Variants in CSMD1 observed in about 807,000 individuals in gnomAD.
CSMD1 encodes the protein CUB and Sushi multiple domains 1.
Under a neutral mutation model 417.5 loss-of-function variants are expected in CSMD1, and 213 were observed. The observed-to-expected ratio is 0.51, with a 90% CI of 0.46 to 0.57. CSMD1 has a LOEUF of 0.57. CSMD1 is among the 20% of genes least tolerant of loss of function. The pLI is 0.00. For missense variants in CSMD1, 6,923 were observed against 4,529.7 expected (o/e 1.53, Z -15.17); for synonymous variants, 2,862 against 1,736.8 (o/e 1.65, Z -16.11).
chr8:3,296,861 T>G (rs1278693575), intron 25 of CSMD1, among the ~76,000 whole-genome samples: 1 of 152,158 alleles, frequency 6.6e-6, no homozygotes, highest in African/African-American at 2.4e-5. Context: ...CTGTTGAGTT[T>G]AAGTTGTCAA....
chr8:4,318,269 CTTAA>C (rs896758736), intron 3 of CSMD1, among the ~76,000 whole-genome samples: 1 of 152,004 alleles, frequency 6.6e-6, no homozygotes, highest in African/African-American at 2.4e-5. Context: ...AACATTTTTC[CTTAA>C]TTAAAGTTTT....
intron 7 of CSMD1, among the ~76,000 whole-genome samples, chr8:3,645,496 G>C (rs938418229): frequency 6.6e-6 from 1 of 152,192 alleles, no homozygotes; most frequent in African/African-American, 2.4e-5. Flanking sequence ...TGGAAGAAAT[G>C]GGGAAGGGGA....
Position 2,956,055 on chromosome 8 carries a change from C to T in CSMD1, c.9815-287G>A, listed in dbSNP as rs1802988843. Reference sequence around the variant, plus strand: ...TACACCCATCCTATATATATTTATACATAGGTAATTATGTGCAAAGATTTA... The same window carrying T: ...TACACCCATCCTATATATATTTATATATAGGTAATTATGTGCAAAGATTTA... On this transcript the variant is annotated intron_variant, in intron 63 of 69. Transcript: ENST00000635120. 2.0e-5 allele frequency among the ~76,000 whole-genome samples: 3 copies of T among 151,800 alleles called. No individual in the cohort carries two copies. In the South Asian group the frequency reaches 6.2e-4, roughly 32 times the overall value.
intron 3 of CSMD1, among the ~76,000 whole-genome samples, chr8:4,323,668 A>T (rs992070170): frequency 6.6e-6 from 1 of 152,194 alleles, no homozygotes; most frequent in African/African-American, 2.4e-5. Flanking sequence ...TGGACTCTAC[A>T]AACAAGAATT....
intron 15 of CSMD1, among the ~76,000 whole-genome samples, chr8:3,404,672 G>T (rs1370106222): frequency 1.3e-5 from 2 of 151,908 alleles, no homozygotes; most frequent in African/African-American, 2.4e-5. Context: ...AAACTAAGAG[G>T]GAAAAATCAC....
chr8:4,512,345 A>G (rs1308342408), intron 2 of CSMD1, among the ~76,000 whole-genome samples: 2 of 152,204 alleles, frequency 1.3e-5, no homozygotes. Context: ...TTACTTAATG[A>G]AAACTCAAAG....
intron 3 of CSMD1, among the ~76,000 whole-genome samples, chr8:4,159,999 C>G (rs979105552): frequency 2.0e-5 from 3 of 151,894 alleles, no homozygotes; most frequent in Non-Finnish European, 2.9e-5. Context: ...GTATAATGCT[C>G]TGGTGATGGG....
intron 1 of CSMD1, among the ~76,000 whole-genome samples, chr8:4,807,331 C>T (rs1798647458): frequency 6.6e-6 from 1 of 152,170 alleles, no homozygotes; most frequent in South Asian, 2.1e-4. Context: ...GGTAGGGTGA[C>T]AGCACTGACT....
At chr8:3,380,970 G>A (rs1453018557) in intron 18 of CSMD1, among the ~76,000 whole-genome samples, 3 of 152,046 alleles carry the variant, frequency 2.0e-5, no homozygotes, top group Non-Finnish European at 2.9e-5. Flanking sequence ...ATTTGGGGAT[G>A]GTACTTGAAT....
chr8:3,217,104 TAGGCTGGATGCAATGGCATCACTGCTCC>T (rs1797926471), intron 29 of CSMD1, among the ~76,000 whole-genome samples: 1 of 152,068 alleles, frequency 6.6e-6, no homozygotes, highest in Non-Finnish European at 1.5e-5. Context: ...ATCACTGCCC[TAGGCTGGATGCAATGGCATCACTGCTCC>T]AGGCTGGAAG....
chr8:3,509,735 C>T (rs1796984749), intron 10 of CSMD1, among the ~76,000 whole-genome samples: 1 of 152,130 alleles, frequency 6.6e-6, no homozygotes, highest in Non-Finnish European at 1.5e-5. Context: ...ACAGAATAAT[C>T]AGAGTGATAT....
chr8:4,349,349 T>C (rs921109680), intron 3 of CSMD1, among the ~76,000 whole-genome samples: 11 of 152,310 alleles, frequency 7.2e-5, no homozygotes, highest in African/African-American at 2.6e-4. Context: ...GATGTAGGTG[T>C]TATCGTATTT....
intron 18 of CSMD1, among the ~76,000 whole-genome samples, chr8:3,384,823 A>T (rs1459119334): frequency 4.1e-5 from 5 of 122,934 alleles, no homozygotes; most frequent in African/African-American, 1.6e-4. Context: ...ATATATAATT[A>T]AATAAAATAG....
intron 2 of CSMD1, among the ~76,000 whole-genome samples, chr8:4,483,927 C>T (rs1036097324): frequency 1.3e-5 from 2 of 152,150 alleles, no homozygotes; most frequent in South Asian, 4.1e-4. Context: ...TCATGGCTCA[C>T]TTTGTTGTAT....
At chr8:4,919,489 C>T (rs1806292749) in intron 1 of CSMD1, among the ~76,000 whole-genome samples, 2 of 152,088 alleles carry the variant, frequency 1.3e-5, no homozygotes, top group Admixed American at 6.5e-5. Context: ...CTATTTGAAG[C>T]ATGTTATCGG....
chr8:4,057,532 G>C (rs1459798838), intron 3 of CSMD1, among the ~76,000 whole-genome samples: 4 of 152,156 alleles, frequency 2.6e-5, no homozygotes, highest in African/African-American at 4.8e-5. Context: ...AAGCTCTTTA[G>C]TTTAATTAGA....
intron 7 of CSMD1, chr8:3,700,676 C>T (rs931175): frequency 0.072 from 10,913 of 152,134 alleles, 1,284 homozygotes; most frequent in African/African-American, 0.25. Context: ...GGATGTGATA[C>T]GGCTTCTTTG....
chr8:4,066,807 A>C (rs919121618), intron 3 of CSMD1, among the ~76,000 whole-genome samples: 16 of 152,208 alleles, frequency 1.1e-4, no homozygotes, highest in African/African-American at 3.9e-4. Context: ...CCTGTGCTCC[A>C]AAAGCGAAAG....
intron 26 of CSMD1, among the ~76,000 whole-genome samples, chr8:3,233,298 C>A (rs565891331): frequency 6.6e-6 from 1 of 152,098 alleles, no homozygotes; most frequent in Non-Finnish European, 1.5e-5. Flanking sequence ...GAATTGGTGA[C>A]TTTATAGGAA....
Sources: gnomAD v4.1 joint callset for allele counts (sites outside exome capture counted in the v4.1 genomes callset) on GRCh38, gnomAD v4.1.1 for gene constraint, MANE v1.5 for transcripts, NCBI Gene and HGNC (gene_info 2026-07-23, HGNC 2026-07-21) for gene names.